COL5A1: variants seen among roughly 807,000 people sequenced by gnomAD.
COL5A1 encodes collagen type V alpha 1 chain, also known as collagen alpha-1(V) chain.
In COL5A1, 16 loss-of-function variants were observed where a neutral mutation model predicts 263.7. The observed-to-expected ratio is 0.06, with a 90% CI of 0.04 to 0.09. The LOEUF is 0.09. COL5A1 is among the 10% of genes least tolerant of loss of function. COL5A1 has a pLI of 1.00. For synonymous variants in COL5A1, 1,012 were observed against 1,004.5 expected (o/e 1.01, Z -0.14); for missense variants, 2,036 against 2,540.5 (o/e 0.80, Z 4.27).
chr9:134,812,378 G>A (rs368266416), intron 46 of COL5A1, 71 bp from the exon 47 acceptor site: 10 of 1,519,078 alleles, frequency 6.6e-6, no homozygotes, highest in East Asian at 2.3e-5. Context: ...GGTGGAGGTC[G>A]TGAAAGCTGT....
intron 4 of COL5A1, among the ~76,000 whole-genome samples, chr9:134,723,145 C>T (rs908936292): frequency 8.5e-5 from 13 of 152,158 alleles, no homozygotes; most frequent in African/African-American, 2.7e-4. Flanking sequence ...CTCAGCCCAG[C>T]AGATGCCCCA....
intron 52 of COL5A1, among the ~76,000 whole-genome samples, chr9:134,816,533 C>T (rs991946376): frequency 1.3e-5 from 2 of 152,252 alleles, no homozygotes; most frequent in East Asian, 1.9e-4. Flanking sequence ...CCAGCCTGGC[C>T]AAGCGCGGGG....
chr9:134,813,907 G>T lies in COL5A1; in HGVS notation c.3853-76G>T. On this transcript the variant is annotated intron_variant, in intron 48 of 65. Coordinates refer to ENST00000371817, the MANE Select transcript of COL5A1 (RefSeq NM_000093.5). Reference sequence around the variant, plus strand: ...GCAGGCAGACAGCAGGCAGGATTTGGCAAATGCTTGAAACCGTAGCACTGC... The same window carrying T: ...GCAGGCAGACAGCAGGCAGGATTTGTCAAATGCTTGAAACCGTAGCACTGC... 2.7e-6 allele frequency: 4 copies of T among 1,507,882 alleles called. No homozygotes were observed. The South Asian group carries it at 4.8e-5, about 18-fold the overall frequency. The allele number at this position is 1,507,882 out of a possible 1,614,324, so 93.4% of individuals were successfully genotyped here.
At position 134,818,535 on chromosome 9, in the gene COL5A1, C is replaced by T. The variant is rs1468735833; in HGVS notation, c.4231-121C>T. ...TGAAATGTGGAGAATTAGGGCAACCCCGGATATGGGGTCACCTGGGACTCC... is the reference window on the plus strand; with the variant it reads ...TGAAATGTGGAGAATTAGGGCAACCTCGGATATGGGGTCACCTGGGACTCC... On this transcript the variant is annotated intron_variant, in intron 54 of 65. Transcript: ENST00000371817. The surrounding 1 kb of genome is among the most constrained non-coding windows in gnomAD (Gnocchi z 6.0). 1 of 723,156 alleles carries T rather than the reference C, an allele frequency of 1.4e-6. No individual in the cohort carries two copies. Among genetic ancestry groups the T allele is most frequent in the Non-Finnish European group, 2.4e-6 (1 of 412,002 alleles). 44.8% of individuals were successfully genotyped at this position (723,156 alleles called of 1,614,324 possible).
intron 4 of COL5A1, among the ~76,000 whole-genome samples, chr9:134,726,927 G>T (rs552521220): frequency 6.8e-6 from 1 of 148,068 alleles, no homozygotes; most frequent in South Asian, 2.2e-4. Context: ...GGGTGAATGG[G>T]TGGGTGAATG....
Position 134,810,248 on chromosome 9 carries a change from C to A in COL5A1, c.3475-7C>A. 2 of 1,614,114 alleles carry A rather than the reference C, an allele frequency of 1.2e-6. No homozygotes were observed. The highest frequency in any genetic ancestry group is 1.7e-6 in the Non-Finnish European group (2 of 1,179,942). On this transcript the variant is annotated splice_region_variant and splice_polypyrimidine_tract_variant and intron_variant, in intron 43 of 65. Coordinates refer to ENST00000371817, the MANE Select transcript of COL5A1 (RefSeq NM_000093.5). ...TTTCTAACCGAATCCCCCACACCTT[C>A]CCCTAGGGAGAGATCGGGGAGCCGG...
At chr9:134,805,825 G>A (rs1468577823) in intron 41 of COL5A1, among the ~76,000 whole-genome samples, 1 of 150,418 alleles carries the variant, frequency 6.6e-6, no homozygotes, top group Non-Finnish European at 1.5e-5. Context: ...GGTGCCCCGT[G>A]GGCTCTAGAG....
In COL5A1 at chr9:134,812,629, C is replaced by G; in HGVS notation, c.3769C>G (p.Arg1257Gly). The G allele has an allele frequency of 6.2e-7, 1 of 1,603,118 alleles. No homozygotes were observed. The highest frequency in any genetic ancestry group is 8.5e-7 in the Non-Finnish European group (1 of 1,174,874). The change falls in exon 48 of 66, where the codon CGA becomes GGA. Residue 1257 changes from arginine to glycine, a missense_variant. Coordinates refer to ENST00000371817, the MANE Select transcript of COL5A1 (RefSeq NM_000093.5). ...GGGCCCCCCGGGTCCCCCTGGCCCC[C>G]GAGGACCCTCCGGAGCTCCAGGTGC... ...QMGPPGPPGP[R>G]GPSGAPGADG...
At chr9:134,807,794 T>G (rs1300962007) in intron 42 of COL5A1, among the ~76,000 whole-genome samples, 1 of 152,230 alleles carries the variant, frequency 6.6e-6, no homozygotes, top group Non-Finnish European at 1.5e-5. Flanking sequence ...CCAGCTGGAT[T>G]CTGTGCCAGA....
At chr9:134,766,396 A>C in intron 21 of COL5A1, 58 bp from the exon 22 acceptor site, 1 of 1,552,090 alleles carries the variant, frequency 6.4e-7, no homozygotes, top group Non-Finnish European at 8.9e-7. Context: ...TTTCCTCTTG[A>C]GCACTGTGAG....
At chr9:134,731,792 A>G (rs1015144690) in intron 8 of COL5A1, 129 bp downstream of exon 8, 38 of 1,090,494 alleles carry the variant, frequency 3.5e-5, no homozygotes, top group Admixed American at 1.0e-4. Context: ...CCTATTCCCA[A>G]AACTTTATTT....
At chr9:134,762,388 A>G (rs1836486145) in intron 19 of COL5A1, among the ~76,000 whole-genome samples, 1 of 152,108 alleles carries the variant, frequency 6.6e-6, no homozygotes, top group South Asian at 2.1e-4. Flanking sequence ...GATTTGGAGG[A>G]GCAGAAGAGG....
chr9:134,762,031 A>C, intron 19 of COL5A1, 53 bp downstream of exon 19: 1 of 1,588,742 alleles, frequency 6.3e-7, no homozygotes, highest in Non-Finnish European at 8.6e-7. Context: ...CTCCTCAGTG[A>C]TTTGGGCAGG....
intron 1 of COL5A1, among the ~76,000 whole-genome samples, chr9:134,662,355 A>G (rs891638051): frequency 1.3e-5 from 2 of 152,104 alleles, no homozygotes; most frequent in African/African-American, 4.8e-5. Flanking sequence ...TTCTCTGACA[A>G]CTCAGCTGGT....
intron 1 of COL5A1, among the ~76,000 whole-genome samples, chr9:134,666,672 G>C (rs1306870365): frequency 6.6e-6 from 1 of 152,138 alleles, no homozygotes; most frequent in Non-Finnish European, 1.5e-5. Flanking sequence ...TCTACCAGGG[G>C]GCTCCCTCAC....
intron 2 of COL5A1, among the ~76,000 whole-genome samples, chr9:134,698,412 A>T (rs528944928): frequency 6.6e-6 from 1 of 152,038 alleles, no homozygotes; most frequent in African/African-American, 2.4e-5. Context: ...GGCAGCTTCC[A>T]GCGCTCACGC....
At chr9:134,813,381 T>G (rs966205789) in intron 48 of COL5A1, among the ~76,000 whole-genome samples, 1 of 152,178 alleles carries the variant, frequency 6.6e-6, no homozygotes, top group African/African-American at 2.4e-5. Flanking sequence ...TCCAGAGCTT[T>G]CTTTCTGACA....
chr9:134,752,789 C>A, intron 14 of COL5A1, 144 bp downstream of exon 14: 1 of 645,788 alleles, frequency 1.5e-6, no homozygotes, highest in Non-Finnish European at 2.8e-6. Context: ...AGGAGGGTGG[C>A]CAGGGGGACC....
intron 32 of COL5A1, among the ~76,000 whole-genome samples, chr9:134,790,842 G>T (rs1328761064): frequency 6.6e-6 from 1 of 151,918 alleles, no homozygotes; most frequent in African/African-American, 2.4e-5. Context: ...GGCTGCTCCT[G>T]TGCTGGGGGA....
Sources: allele counts gnomAD v4.1 joint callset (sites outside exome capture counted in the v4.1 genomes callset), GRCh38; gene constraint gnomAD v4.1.1; non-coding constraint Gnocchi (gnomAD v3.1); transcripts MANE v1.5; gene names NCBI Gene and HGNC (gene_info 2026-07-23, HGNC 2026-07-21).